CHST12: variants seen among roughly 807,000 people sequenced by gnomAD.
CHST12 encodes the protein carbohydrate sulfotransferase 12, also known as carbohydrate (chondroitin 4) sulfotransferase 12.
A neutral mutation model predicts 27.9 loss-of-function variants in CHST12; 23 were observed. The observed-to-expected ratio is 0.82, with a 90% CI of 0.59 to 1.17. The LOEUF is 1.17. CHST12 is among the 50% of genes most tolerant of loss of function. The pLI is 0.00. For missense variants in CHST12, 682 were observed against 603.0 expected (o/e 1.13, Z -1.37); for synonymous variants, 322 against 273.0 (o/e 1.18, Z -1.77).
chr7:2,404,205 A>T (rs1781459705), intron 1 of CHST12: 1 of 152,316 alleles, frequency 6.6e-6, no homozygotes, highest in Non-Finnish European at 1.5e-5. Context: ...CAGCACCGGC[A>T]GGTCGCTCAG....
intron 1 of CHST12, among the ~76,000 whole-genome samples, chr7:2,412,662 C>T (rs141492831): frequency 5.4e-4 from 82 of 152,238 alleles, no homozygotes; most frequent in African/African-American, 1.9e-3. Context: ...CTGTAGAGGC[C>T]AGCAGAGCAG....
At chr7:2,425,949 C>T (rs1278428789) in intron 1 of CHST12, among the ~76,000 whole-genome samples, 7 of 151,992 alleles carry the variant, frequency 4.6e-5, no homozygotes, top group African/African-American at 9.7e-5. Flanking sequence ...AGGGGTTAGA[C>T]GCTCTGGGGG....
Position 2,433,038 on chromosome 7 carries a change from C to A in CHST12, c.399C>A (p.Ala133=), listed in dbSNP as rs563176537. The A allele has an allele frequency of 6.2e-7, 1 of 1,611,494 alleles. No homozygotes were observed. The highest frequency in any genetic ancestry group is 8.5e-7 in the Non-Finnish European group (1 of 1,179,588). The part of the protein sequence containing the change: ...ERRSVLRGFC[A]NSSLAFPTKE... ...GGAGCGTGCTGCGGGGCTTCTGCGC[C>A]AACTCCAGCCTGGCCTTCCCCACCA... is the stretch of plus-strand genomic sequence containing the variant. The change falls in exon 2 of 2, where the codon GCC becomes GCA. Residue 133 remains alanine, a synonymous_variant. Transcript: ENST00000618655. The surrounding 1 kb of genome is among the most constrained non-coding windows in gnomAD (Gnocchi z 6.1).
intron 1 of CHST12, among the ~76,000 whole-genome samples, chr7:2,415,507 T>C (rs528607903): frequency 6.6e-6 from 1 of 152,224 alleles, no homozygotes; most frequent in South Asian, 2.1e-4. Flanking sequence ...CTTCAGCGAG[T>C]GGCAATCTTT....
chr7:2,432,273 G>T (rs994822360), intron 1 of CHST12, among the ~76,000 whole-genome samples: 4 of 151,146 alleles, frequency 2.6e-5, no homozygotes. Flanking sequence ...CTTGGGAGTT[G>T]TGGGCAATAT....
intron 1 of CHST12, among the ~76,000 whole-genome samples, chr7:2,412,502 C>G (rs1218429834): frequency 6.6e-6 from 1 of 152,192 alleles, no homozygotes; most frequent in Non-Finnish European, 1.5e-5. Flanking sequence ...AAACTTGAAA[C>G]ATTCTTGCGC....
At chr7:2,424,898 G>C (rs1782068754) in intron 1 of CHST12, among the ~76,000 whole-genome samples, 1 of 152,154 alleles carries the variant, frequency 6.6e-6, no homozygotes, top group Admixed American at 6.5e-5. Context: ...TGGAGGAGCA[G>C]GAGGAGGAGG....
In CHST12 at chr7:2,447,766, C is replaced by T. The variant is rs578058126; in HGVS notation, c.*13882C>T. 6.6e-6 allele frequency: 1 copy of T among 152,218 alleles called. No individual in the cohort carries two copies. The highest frequency in any genetic ancestry group is 1.5e-5 in the Non-Finnish European group (1 of 68,022). 9.4% of individuals were successfully genotyped at this position (152,218 alleles called of 1,614,324 possible). On this transcript the variant is annotated 3_prime_UTR_variant, in exon 2 of 2. Transcript: ENST00000618655. ...GGGATTACAAGCATGAGCCACTGCGCCCGGCCACAAACACTTTTTTTTTTT... is the reference window on the plus strand; with the variant it reads ...GGGATTACAAGCATGAGCCACTGCGTCCGGCCACAAACACTTTTTTTTTTT...
intron 1 of CHST12, among the ~76,000 whole-genome samples, chr7:2,414,805 G>A (rs752080066): frequency 2.9e-4 from 44 of 152,258 alleles, no homozygotes; most frequent in Middle Eastern, 3.4e-3. Flanking sequence ...TGTGTGAGGC[G>A]TAGGGTTGAG....
At chr7:2,425,822 G>A (rs1158432772) in intron 1 of CHST12, among the ~76,000 whole-genome samples, 2 of 151,370 alleles carry the variant, frequency 1.3e-5, no homozygotes, top group Admixed American at 1.3e-4. Flanking sequence ...CCCACTATAC[G>A]TTTCCATCTC....
intron 1 of CHST12, among the ~76,000 whole-genome samples, chr7:2,410,169 C>A (rs1322097238): frequency 7.2e-5 from 11 of 152,190 alleles, no homozygotes; most frequent in Non-Finnish European, 1.5e-5. Flanking sequence ...CTTCACCTGT[C>A]CCCAAGTTTC....
At position 2,412,812 on chromosome 7, in the gene CHST12, A is replaced by G. The variant is rs1562510093; in HGVS notation, c.-78+9139A>G. On this transcript the variant is annotated intron_variant, in intron 1 of 1. Transcript: ENST00000618655. ...AGTTCATGTGAGGATTAAACAAAGTAATATGTGCAAAGCCCTTAGAACATC... is the reference window on the plus strand; with the variant it reads ...AGTTCATGTGAGGATTAAACAAAGTGATATGTGCAAAGCCCTTAGAACATC... Among the ~76,000 whole-genome samples, 3 of 152,236 alleles carry G rather than the reference A, an allele frequency of 2.0e-5. 1 individual carries two copies. The highest frequency in any genetic ancestry group is 7.2e-5 in the African/African-American group (3 of 41,464).
chr7:2,446,405 T>G lies in CHST12; in HGVS notation c.*12521T>G, dbSNP rs1028437555. The G allele has an allele frequency of 5.9e-5, 9 of 152,764 alleles. No homozygotes were observed. Among genetic ancestry groups the G allele is most frequent in the African/African-American group, 2.2e-4 (9 of 41,438 alleles). 9.5% of individuals were successfully genotyped at this position (152,764 alleles called of 1,614,324 possible). On this transcript the variant is annotated 3_prime_UTR_variant, in exon 2 of 2. Coordinates refer to ENST00000618655, the MANE Select transcript of CHST12 (RefSeq NM_018641.5). ...GGAAAAACCTCTCCAGCCCAGCGCG[T>G]GGCCTGGCATTAACCCACTGCAGCC...
Position 2,433,497 on chromosome 7 carries a change from C to T in CHST12, c.858C>T (p.Ala286=), listed in dbSNP as rs1782364473. The part of the protein sequence containing the change: ...RLYANHTSLP[A]SAREAFRAGL... ...ACGCCAACCACACCAGCCTGCCCGC[C>T]TCGGCGCGCGAGGCCTTCCGCGCTG... Residue 286 remains alanine, a synonymous_variant, in exon 2 of 2, where the codon GCC becomes GCT. Transcript: ENST00000618655. This position sits in a 1 kb window ranked among gnomAD's most constrained non-coding sequence, Gnocchi z 6.1. 6.2e-7 allele frequency: 1 copy of T among 1,612,078 alleles called. No individual in the cohort carries two copies. The highest frequency in any genetic ancestry group is 8.5e-7 in the Non-Finnish European group (1 of 1,179,898).
Position 2,433,546 on chromosome 7 carries a change from T to C in CHST12, c.907T>C (p.Phe303Leu). Residue 303 changes from phenylalanine to leucine, a missense_variant, in exon 2 of 2, where the codon TTC becomes CTC. Phe to Leu is a conservative substitution (Grantham distance 22). Transcript: ENST00000618655. The surrounding 1 kb of genome is among the most constrained non-coding windows in gnomAD (Gnocchi z 6.1). Reference protein sequence around the residue: ...RAGLKVSFANFIQYLLDPHTE... With the variant: ...RAGLKVSFANLIQYLLDPHTE... Reference sequence around the variant, plus strand: ...TGGCCTCAAGGTGTCCTTCGCCAACTTCATCCAGTACCTGCTGGACCCGCA... The same window carrying C: ...TGGCCTCAAGGTGTCCTTCGCCAACCTCATCCAGTACCTGCTGGACCCGCA... 6.2e-7 allele frequency: 1 copy of C among 1,613,326 alleles called. No individual in the cohort carries two copies. Among genetic ancestry groups the C allele is most frequent in the Non-Finnish European group, 8.5e-7 (1 of 1,179,970 alleles).
chr7:2,429,010 C>T (rs1451354675), intron 1 of CHST12, among the ~76,000 whole-genome samples: 1 of 152,296 alleles, frequency 6.6e-6, no homozygotes. Context: ...CCACAAGGGT[C>T]GCATTCCATT....
chr7:2,415,944 C>T (rs931549876), intron 1 of CHST12, among the ~76,000 whole-genome samples: 2 of 152,176 alleles, frequency 1.3e-5, no homozygotes, highest in Non-Finnish European at 2.9e-5. Flanking sequence ...ATGAAGTGTG[C>T]TGCATTTATT....
At chr7:2,420,365 T>C (rs1268703372) in intron 1 of CHST12, among the ~76,000 whole-genome samples, 1 of 152,206 alleles carries the variant, frequency 6.6e-6, no homozygotes, top group Non-Finnish European at 1.5e-5. Flanking sequence ...TTCCTTTCTT[T>C]TGAAGGCTGA....
Position 2,433,374 on chromosome 7 carries a change from C to T in CHST12, c.735C>T (p.Arg245=), listed in dbSNP as rs141396892. The change falls in exon 2 of 2, where the codon CGC becomes CGT. Residue 245 remains arginine, a synonymous_variant. Coordinates refer to ENST00000618655, the MANE Select transcript of CHST12 (RefSeq NM_018641.5). The surrounding 1 kb of genome is among the most constrained non-coding windows in gnomAD (Gnocchi z 6.1). ...LKKYTKFLFV[R]DPFVRLISAF... is the part of the protein sequence containing the mutation. ...AGTACACCAAGTTCCTCTTCGTGCG[C>T]GACCCCTTCGTGCGCCTGATCTCCG... 1.3e-5 allele frequency: 21 copies of T among 1,610,454 alleles called. No individual in the cohort carries two copies. The highest frequency in any genetic ancestry group is 5.3e-5 in the African/African-American group (4 of 74,930).
Sources: gnomAD v4.1 joint callset for allele counts (sites outside exome capture counted in the v4.1 genomes callset) on GRCh38, gnomAD v4.1.1 for gene constraint, Gnocchi (gnomAD v3.1) non-coding constraint, MANE v1.5 for transcripts, NCBI Gene and HGNC (gene_info 2026-07-23, HGNC 2026-07-21) for gene names.